METTL16: variants seen among roughly 807,000 people sequenced by gnomAD.
The protein encoded by METTL16 is RNA N(6)-adenosine-methyltransferase METTL16.
Under a neutral mutation model 57.9 loss-of-function variants are expected in METTL16, and 19 were observed. The observed-to-expected ratio is 0.33, with a 90% CI of 0.23 to 0.48. METTL16 has a LOEUF of 0.48. METTL16 is among the 20% of genes least tolerant of loss of function. The pLI is 0.99. For missense variants in METTL16, 434 were observed against 691.5 expected (o/e 0.63, Z 4.18); for synonymous variants, 246 against 255.6 (o/e 0.96, Z 0.36).
At chr17:2,485,781 C>T (rs1191502209) in intron 2 of METTL16, among the ~76,000 whole-genome samples, 2 of 152,130 alleles carry the variant, frequency 1.3e-5, no homozygotes, top group East Asian at 1.9e-4. Context: ...CTGAAGCGGA[C>T]GGTCTGGCGG....
In METTL16 at chr17:2,424,121, T is replaced by TTTA. The variant is rs1567879881; in HGVS notation, c.889-3218_889-3217insTAA. The TTTA allele has an allele frequency of 2.9e-4, 5 of 17,300 alleles. No homozygotes were observed. The East Asian group carries it at 0.065, about 223-fold the overall frequency. 1.1% of individuals were successfully genotyped at this position (17,300 alleles called of 1,614,324 possible). A position where few individuals can be genotyped will look rare whatever the true frequency, so the allele number is the denominator to read the frequency against. On this transcript the variant is annotated intron_variant, in intron 8 of 9. Coordinates refer to ENST00000263092, the MANE Select transcript of METTL16 (RefSeq NM_024086.4). ...TATTTTATTTTATTTTATTATTTTA[T>TTTA]TTTTTTTTTTGAGACGGAGTCTCGC...
At chr17:2,498,336 C>A (rs773340502) in intron 2 of METTL16, among the ~76,000 whole-genome samples, 4 of 151,460 alleles carry the variant, frequency 2.6e-5, no homozygotes, top group African/African-American at 9.8e-5. Context: ...CTCTTGAACC[C>A]GGGAGGCAGA....
At chr17:2,434,269 G>A (rs924567799) in intron 8 of METTL16, among the ~76,000 whole-genome samples, 1 of 152,144 alleles carries the variant, frequency 6.6e-6, no homozygotes, top group Non-Finnish European at 1.5e-5. Context: ...CGTGACCTCG[G>A]CTCACTGTAA....
rs746060975 is a variant in METTL16 at position 2,473,657 on chromosome 17, C to T, written c.336G>A (p.Gly112=). The T allele has an allele frequency of 2.5e-6, 4 of 1,611,880 alleles. No homozygotes were observed. Among genetic ancestry groups the T allele is most frequent in the South Asian group, 1.1e-5 (1 of 90,638 alleles). The stretch of plus-strand genomic sequence containing the variant: ...CAAGTAAGGGGTAGATGCAAGATGC[C>T]CCCGTGCCTAATAAAATAAAAATAC... ...TLRRGIDIGT[G]ASCIYPLLGA... Residue 112 remains glycine (G), a synonymous_variant, in exon 4 of 10, where the codon GGG becomes GGA. Coordinates refer to ENST00000263092, the MANE Select transcript of METTL16 (RefSeq NM_024086.4).
At chr17:2,462,152 G>A (rs1193336515) in intron 6 of METTL16, among the ~76,000 whole-genome samples, 11 of 152,076 alleles carry the variant, frequency 7.2e-5, no homozygotes, top group Non-Finnish European at 1.3e-4. Flanking sequence ...CCTTAAAAAG[G>A]AAGAAAATTC....
intron 2 of METTL16, among the ~76,000 whole-genome samples, chr17:2,491,864 G>C (rs1288854086): frequency 1.8e-5 from 2 of 108,764 alleles, no homozygotes; most frequent in Non-Finnish European, 3.5e-5. Context: ...GACAGAGCGA[G>C]ACACCGTCTC....
chr17:2,467,973 T>C, intron 4 of METTL16, 97 bp from the exon 5 acceptor site: 1 of 807,752 alleles, frequency 1.2e-6, no homozygotes, highest in South Asian at 1.5e-5. Flanking sequence ...CAACTGCATA[T>C]ATGATGGTGG....
In METTL16 at chr17:2,502,688, C is replaced by CA. The variant is rs1022306482; in HGVS notation, c.1-358dup. 1.8e-3 allele frequency among the ~76,000 whole-genome samples: 249 copies of CA among 135,388 alleles called. 1 individual carries two copies. Among genetic ancestry groups the CA allele is most frequent in the South Asian group, 5.1e-3 (22 of 4,312 alleles). 88.8% of individuals were successfully genotyped at this position (135,388 alleles called of 152,430 possible). On this transcript the variant is annotated intron_variant, in intron 1 of 9. Transcript: ENST00000263092. ...GGGCAACAAGAGCGAAACTCCGTCT[C>CA]AAAAAAAAAAAAATCAGTGGGGAAA... is the stretch of plus-strand genomic sequence containing the variant.
At chr17:2,484,467 C>T (rs767289071) in intron 2 of METTL16, among the ~76,000 whole-genome samples, 1 of 151,874 alleles carries the variant, frequency 6.6e-6, no homozygotes, top group Non-Finnish European at 1.5e-5. Context: ...CCACAAATGA[C>T]CATTTCAAAG....
intron 5 of METTL16, among the ~76,000 whole-genome samples, chr17:2,466,222 C>T (rs1292469169): frequency 6.9e-6 from 1 of 144,264 alleles, no homozygotes; most frequent in East Asian, 2.1e-4. Context: ...AGCCACTTAA[C>T]AGTAAAAACA....
chr17:2,432,991 CAAG>C (rs1044553436), intron 8 of METTL16, among the ~76,000 whole-genome samples: 2 of 152,132 alleles, frequency 1.3e-5, no homozygotes, highest in South Asian at 2.1e-4. Flanking sequence ...CACACCTATG[CAAG>C]AAGGTTTTGG....
intron 6 of METTL16, among the ~76,000 whole-genome samples, chr17:2,459,718 G>C (rs1248160398): frequency 6.6e-6 from 1 of 152,038 alleles, no homozygotes; most frequent in South Asian, 2.1e-4. Flanking sequence ...AATATGCATG[G>C]GGGCCGGGCG....
chr17:2,440,970 CAAAAAAAA>C (rs760521188), intron 7 of METTL16, among the ~76,000 whole-genome samples: 2 of 34,042 alleles, frequency 5.9e-5, no homozygotes, highest in Non-Finnish European at 7.7e-5. Flanking sequence ...GACTTGATCT[CAAAAAAAA>C]AAAAAAAAAA....
intron 1 of METTL16, among the ~76,000 whole-genome samples, chr17:2,511,211 G>T (rs977680543): frequency 2.4e-4 from 19 of 77,758 alleles, no homozygotes; most frequent in African/African-American, 7.5e-4. Flanking sequence ...TGAGAATGAG[G>T]CTTTCCCTTT....
At chr17:2,445,978 C>T (rs1378978731) in intron 6 of METTL16, among the ~76,000 whole-genome samples, 1 of 152,074 alleles carries the variant, frequency 6.6e-6, no homozygotes, top group Non-Finnish European at 1.5e-5. Context: ...CTATAAGTCA[C>T]TGTATTAATG....
intron 6 of METTL16, among the ~76,000 whole-genome samples, chr17:2,450,829 A>G (rs2067063306): frequency 6.6e-6 from 1 of 152,212 alleles, no homozygotes; most frequent in Non-Finnish European, 1.5e-5. Flanking sequence ...GTTTATATAC[A>G]AAATGCCTAC....
chr17:2,436,234 G>A (rs1021263556), intron 8 of METTL16, among the ~76,000 whole-genome samples: 1 of 152,084 alleles, frequency 6.6e-6, no homozygotes, highest in African/African-American at 2.4e-5. Flanking sequence ...TAATTCTTCG[G>A]GGTGGTGAGG....
At chr17:2,509,592 C>G (rs2067572434) in intron 1 of METTL16, among the ~76,000 whole-genome samples, 2 of 152,020 alleles carry the variant, frequency 1.3e-5, no homozygotes, top group South Asian at 4.2e-4. Flanking sequence ...AAGAAAATAT[C>G]CAAAATTAAA....
intron 8 of METTL16, among the ~76,000 whole-genome samples, chr17:2,437,050 T>G (rs1020901360): frequency 3.3e-5 from 5 of 151,850 alleles, no homozygotes; most frequent in Admixed American, 2.6e-4. Context: ...ATACAAAAAT[T>G]TTTGTATTTT....
Sources: allele counts gnomAD v4.1 joint callset (sites outside exome capture counted in the v4.1 genomes callset), GRCh38; gene constraint gnomAD v4.1.1; transcripts MANE v1.5; gene names NCBI Gene and HGNC (gene_info 2026-07-23, HGNC 2026-07-21).